The following CCDC15 variants were observed in gnomAD, a reference collection of about 807,000 sequenced individuals.
The protein encoded by CCDC15 is coiled-coil domain-containing protein 15.
In CCDC15, 105 loss-of-function variants were observed where a neutral mutation model predicts 114.5. That is an observed-to-expected ratio of 0.92 (90% CI 0.78 to 1.08). The LOEUF (loss-of-function observed/expected upper bound fraction) is 1.08, where lower values mean the gene tolerates loss of function less well. Among genes scored for constraint, CCDC15 ranks in the 50% least tolerant of loss-of-function variants. The pLI is 0.00. For synonymous variants in CCDC15, 334 were observed against 377.8 expected (o/e 0.88, Z 1.34); for missense variants, 1,105 against 1,093.6 (o/e 1.01, Z -0.15).
chr11:125,002,208 G>A (rs1203505863), intron 11 of CCDC15, among the ~76,000 whole-genome samples: 1 of 152,124 alleles, frequency 6.6e-6, no homozygotes, highest in Non-Finnish European at 1.5e-5. Context: ...ATCTTGTTTG[G>A]AGAACTGTTA....
At chr11:124,976,186 A>G (rs1331184029) in intron 5 of CCDC15, among the ~76,000 whole-genome samples, 1 of 149,478 alleles carries the variant, frequency 6.7e-6, no homozygotes, top group African/African-American at 2.4e-5. Context: ...TAATTAGTAT[A>G]CTCTTATATT....
At chr11:124,977,311 C>T (rs957180662) in intron 5 of CCDC15, among the ~76,000 whole-genome samples, 167 bp from the exon 6 acceptor site, 1 of 152,026 alleles carries the variant, frequency 6.6e-6, no homozygotes, top group African/African-American at 2.4e-5. Flanking sequence ...TATGTGAGCG[C>T]TTTGTTTGTA....
chr11:125,039,195 CA>C lies in CCDC15; in HGVS notation c.2734+130del, dbSNP rs1314985696. The C allele has an allele frequency of 3.7e-6, 3 of 814,940 alleles. No individual in the cohort carries two copies. The African/African-American group carries it at 5.2e-5, about 14-fold the overall frequency. 50.5% of individuals were successfully genotyped at this position (814,940 alleles called of 1,614,324 possible). A position where few individuals can be genotyped will look rare whatever the true frequency, so the allele number is the denominator to read the frequency against. ...ATCAGAGACTGTTATAAACCCTTTACAAAATAACTATATGAGGCAGTGAAAA... is the reference window on the plus strand; with the variant it reads ...ATCAGAGACTGTTATAAACCCTTTACAAATAACTATATGAGGCAGTGAAAA... On this transcript the variant is annotated intron_variant, in intron 15 of 15. Transcript: ENST00000344762.
chr11:124,968,395 C>T (rs926284958), intron 4 of CCDC15, among the ~76,000 whole-genome samples: 17 of 152,194 alleles, frequency 1.1e-4, no homozygotes, highest in Non-Finnish European at 1.9e-4. Context: ...GCTGCTGCCT[C>T]GCAGTTTAAT....
intron 13 of CCDC15, among the ~76,000 whole-genome samples, chr11:125,032,801 A>G (rs996779243): frequency 3.9e-5 from 6 of 152,074 alleles, no homozygotes; most frequent in African/African-American, 1.4e-4. Flanking sequence ...GACCCACTGG[A>G]CCCACTGTAA....
chr11:125,005,510 C>T (rs1301156785), intron 13 of CCDC15, among the ~76,000 whole-genome samples: 5 of 152,110 alleles, frequency 3.3e-5, no homozygotes, highest in Non-Finnish European at 5.9e-5. Context: ...CACTATCCTG[C>T]ACCATAGTGG....
Position 125,040,897 on chromosome 11 carries a change from C to T in CCDC15, c.*186C>T, listed in dbSNP as rs1217971613. The T allele has an allele frequency of 1.2e-5, 7 of 603,350 alleles. No homozygotes were observed. The highest frequency in any genetic ancestry group is 2.0e-5 in the Non-Finnish European group (7 of 349,768). The allele number at this position is 603,350 out of a possible 1,614,324, so 37.4% of individuals were successfully genotyped here. On this transcript the variant is annotated 3_prime_UTR_variant, in exon 16 of 16. Transcript: ENST00000344762. ...GGAACCAAGATTGAAAGCTGACTTA[C>T]TTCTCTCTTCTGTCTTGTGAACCAT... is the stretch of plus-strand genomic sequence containing the variant.
intron 13 of CCDC15, chr11:125,038,171 C>T (rs7118548): frequency 0.19 from 41,965 of 223,926 alleles, 4,742 homozygotes; most frequent in African/African-American, 0.33. Context: ...CCATCTGCTT[C>T]GGCCTCTCAG....
intron 4 of CCDC15, among the ~76,000 whole-genome samples, chr11:124,974,498 G>A (rs1483783734): frequency 6.6e-6 from 1 of 152,138 alleles, no homozygotes. Flanking sequence ...AAACAAATTG[G>A]TTCTTTTGAA....
Position 125,034,173 on chromosome 11 carries a change from G to A in CCDC15, c.2412-4258G>A, listed in dbSNP as rs540115884. On this transcript the variant is annotated intron_variant, in intron 13 of 15. Coordinates refer to ENST00000344762, the MANE Select transcript of CCDC15 (RefSeq NM_025004.3). ...AGGTGGAAAGGTTGATAGGAATGTG[G>A]GTCGGGGAGGGGATGTTGCCACTAC... Among the ~76,000 whole-genome samples, 29 of 152,298 alleles carry A rather than the reference G, an allele frequency of 1.9e-4. No individual in the cohort carries two copies. The South Asian group carries it at 6.0e-3, about 32-fold the overall frequency.
At chr11:125,025,097 A>AATATATGTGAGTATATATATGAAT (rs1948690503) in intron 13 of CCDC15, among the ~76,000 whole-genome samples, 1 of 124,394 alleles carries the variant, frequency 8.0e-6, no homozygotes, top group African/African-American at 3.5e-5. Flanking sequence ...TATATATATG[A>AATATATGTGAGTATATATATGAAT]ATATATATGA....
rs192198030 is a variant in CCDC15, at chr11:125,019,852, G to C, written c.2411+14640G>C. Among the ~76,000 whole-genome samples the C allele has an allele frequency of 3.8e-4, 57 of 151,940 alleles. No homozygotes were observed. The East Asian group carries it at 9.3e-3, about 25-fold the overall frequency. ...CTTATTAGTGATTGCTCTCTTTTTT[G>C]ATACATTATATTTGTACATATTAGT... On this transcript the variant is annotated intron_variant, in intron 13 of 15. Transcript: ENST00000344762.
At chr11:125,028,118 G>A (rs1312939137) in intron 13 of CCDC15, among the ~76,000 whole-genome samples, 2 of 152,036 alleles carry the variant, frequency 1.3e-5, no homozygotes, top group South Asian at 2.1e-4. Context: ...TATGTACTAC[G>A]GGCACTAAGT....
At chr11:124,982,460 C>A (rs1417166100) in intron 6 of CCDC15, among the ~76,000 whole-genome samples, 1 of 152,228 alleles carries the variant, frequency 6.6e-6, no homozygotes, top group Non-Finnish European at 1.5e-5. Flanking sequence ...CTCTCTGCAG[C>A]ACCTCTTGTA....
At chr11:125,025,288 A>G (rs1948693573) in intron 13 of CCDC15, among the ~76,000 whole-genome samples, 1 of 150,898 alleles carries the variant, frequency 6.6e-6, no homozygotes. Flanking sequence ...CTTTTAATAC[A>G]TTGTGTAATG....
chr11:124,972,511 A>C lies in CCDC15; in HGVS notation c.517-2585A>C, dbSNP rs374897847. Among the ~76,000 whole-genome samples, 7 of 152,210 alleles carry C rather than the reference A, an allele frequency of 4.6e-5. No homozygotes were observed. In the East Asian group the frequency reaches 1.2e-3, roughly 25 times the overall value. The stretch of plus-strand genomic sequence containing the variant: ...AATTTATAATATCCCCCTGGGTTCT[A>C]TGTTTTTGTTAAATTGCTTGTTAAC... On this transcript the variant is annotated intron_variant, in intron 4 of 15. Coordinates refer to ENST00000344762, the MANE Select transcript of CCDC15 (RefSeq NM_025004.3).
chr11:125,040,158 T>G (rs999863327), intron 15 of CCDC15, among the ~76,000 whole-genome samples: 44 of 151,920 alleles, frequency 2.9e-4, no homozygotes, highest in African/African-American at 9.4e-4. Context: ...CGCCTCAGCC[T>G]ACCGAATATC....
intron 11 of CCDC15, among the ~76,000 whole-genome samples, chr11:125,000,619 A>G (rs1287620580): frequency 6.6e-6 from 1 of 152,232 alleles, no homozygotes; most frequent in Non-Finnish European, 1.5e-5. Flanking sequence ...TTTTTATTGT[A>G]GAGAAGATAA....
intron 2 of CCDC15, among the ~76,000 whole-genome samples, chr11:124,957,726 A>G (rs1343600208): frequency 6.6e-6 from 1 of 152,178 alleles, no homozygotes; most frequent in Non-Finnish European, 1.5e-5. Flanking sequence ...ACTCCACTAG[A>G]GTAGTTTATG....
Sources: allele counts gnomAD v4.1 joint callset (sites outside exome capture counted in the v4.1 genomes callset), GRCh38; gene constraint gnomAD v4.1.1; transcripts MANE v1.5; gene names NCBI Gene and HGNC (gene_info 2026-07-23, HGNC 2026-07-21).